ARMC3: variants seen among roughly 807,000 people sequenced by gnomAD.
The protein encoded by ARMC3 is armadillo repeat-containing protein 3.
Under a neutral mutation model 90.3 loss-of-function variants are expected in ARMC3, and 74 were observed. The ratio of observed to expected loss-of-function variants is 0.82; its 90% confidence interval spans 0.68 to 0.99. The LOEUF is 0.99. ARMC3 is among the 50% of genes least tolerant of loss of function. The probability of loss-of-function intolerance (pLI) is 0.00; values close to 1 mark genes in which losing one functional copy is unlikely to be tolerated. For missense variants in ARMC3, 958 were observed against 1,042.8 expected, an observed-to-expected ratio of 0.92 and a Z score of 1.12; for synonymous variants, 334 against 361.8, an observed-to-expected ratio of 0.92 and a Z score of 0.87.
chr10:22,968,667 A>G (rs1338708010), intron 8 of ARMC3, among the ~76,000 whole-genome samples, 178 bp downstream of exon 8: 1 of 151,940 alleles, frequency 6.6e-6, no homozygotes, highest in East Asian at 1.9e-4. Context: ...ATGCCTGGCT[A>G]ATTTTTGTAT....
intron 11 of ARMC3, 135 bp from the exon 12 acceptor site, chr10:23,001,784 C>A: frequency 8.9e-7 from 1 of 1,128,636 alleles, no homozygotes; most frequent in Non-Finnish European, 1.2e-6. Flanking sequence ...ATTTAATAAA[C>A]CTAAAGATAG....
At chr10:23,003,126 G>T (rs1273684025) in intron 12 of ARMC3, 120 bp from the exon 13 acceptor site, 2 of 803,028 alleles carry the variant, frequency 2.5e-6, no homozygotes, top group Admixed American at 3.4e-5. Context: ...CTAAGAGGGT[G>T]GGGGAGGCTT....
intron 3 of ARMC3, among the ~76,000 whole-genome samples, chr10:22,949,696 A>G (rs528763436): frequency 6.6e-6 from 1 of 152,322 alleles, no homozygotes; most frequent in African/African-American, 2.4e-5. Flanking sequence ...CGTTTGAAGA[A>G]ATAATGGCCA....
chr10:22,972,826 C>T (rs999939906), intron 8 of ARMC3, among the ~76,000 whole-genome samples: 6 of 152,128 alleles, frequency 3.9e-5, no homozygotes, highest in Admixed American at 2.6e-4. Flanking sequence ...TTTATATTAT[C>T]TATAGATAGG....
At chr10:22,929,340 G>A (rs1269067193) in intron 1 of ARMC3, among the ~76,000 whole-genome samples, 1 of 133,320 alleles carries the variant, frequency 7.5e-6, no homozygotes, top group African/African-American at 3.2e-5. Context: ...GGAAAGGAAA[G>A]GAAAAGAAAA....
rs144241945 is a variant in ARMC3, at chr10:22,933,118, A to G, written c.48+1074A>G. ...GCAATCCACTGGGTATGATACTTCA[A>G]TACAGTTGGGAACAAAATCTACAGA... is the stretch of plus-strand genomic sequence containing the variant. On this transcript the variant is annotated intron_variant, in intron 2 of 18. Transcript: ENST00000298032. Among the ~76,000 whole-genome samples, 157 of 152,314 alleles carry G rather than the reference A, an allele frequency of 1.0e-3. 1 individual carries two copies. Among genetic ancestry groups the G allele is most frequent in the African/African-American group, 3.3e-3 (137 of 41,570 alleles).
chr10:22,950,332 C>A (rs1190350695), intron 3 of ARMC3, among the ~76,000 whole-genome samples: 1 of 151,974 alleles, frequency 6.6e-6, no homozygotes, highest in Non-Finnish European at 1.5e-5. Context: ...ATGGCAACAA[C>A]AGCCCCAACA....
chr10:23,020,971 G>T (rs998842529), intron 16 of ARMC3, among the ~76,000 whole-genome samples: 1 of 151,916 alleles, frequency 6.6e-6, no homozygotes, highest in Non-Finnish European at 1.5e-5. Flanking sequence ...CCCCCACCTG[G>T]TAGCCCCCAG....
chr10:22,998,218 G>A lies in ARMC3; in HGVS notation c.1246G>A (p.Ala416Thr), dbSNP rs986129599. 2 of 1,613,170 alleles carry A rather than the reference G, an allele frequency of 1.2e-6. No homozygotes were observed. The highest frequency in any genetic ancestry group is 3.3e-5 in the Admixed American group (2 of 59,926). Residue 416 changes from alanine to threonine, a missense_variant, in exon 11 of 19, where the codon GCC becomes ACC. Coordinates refer to ENST00000298032, the MANE Select transcript of ARMC3 (RefSeq NM_173081.5). ...GTCTAGTAAACGAGATGGAGCCATT[G>A]CCAACGCTGCTACAGTATTAACAAA... ...LLSSKRDGAI[A>T]NAATVLTNMA...
chr10:23,006,552 T>C (rs539610636), intron 13 of ARMC3, among the ~76,000 whole-genome samples: 1 of 152,316 alleles, frequency 6.6e-6, no homozygotes, highest in East Asian at 1.9e-4. Context: ...CAGTATTCAG[T>C]TACTTTTGCA....
At chr10:22,939,040 A>C (rs1834219716) in intron 2 of ARMC3, among the ~76,000 whole-genome samples, 1 of 152,206 alleles carries the variant, frequency 6.6e-6, no homozygotes, top group South Asian at 2.1e-4. Flanking sequence ...TAAGTCACTG[A>C]GGGTGAAAGT....
At chr10:22,935,075 C>CT (rs1023676154) in intron 2 of ARMC3, among the ~76,000 whole-genome samples, 3 of 152,218 alleles carry the variant, frequency 2.0e-5, no homozygotes, top group African/African-American at 7.2e-5. Context: ...TCCCAAGAGA[C>CT]TATGACCTGG....
At chr10:23,036,601 AG>A (rs1395530297) in intron 18 of ARMC3, among the ~76,000 whole-genome samples, 1 of 152,228 alleles carries the variant, frequency 6.6e-6, no homozygotes, top group Non-Finnish European at 1.5e-5. Context: ...GTGCGCGGCT[AG>A]TCGGTCTCAG....
At chr10:22,930,543 C>T (rs976535141) in intron 1 of ARMC3, among the ~76,000 whole-genome samples, 2 of 152,108 alleles carry the variant, frequency 1.3e-5, no homozygotes, top group Non-Finnish European at 2.9e-5. Context: ...CCCAGGCCCT[C>T]CAAAGTCTTA....
intron 10 of ARMC3, among the ~76,000 whole-genome samples, chr10:22,992,929 C>CAGGGT (rs1243540269): frequency 1.3e-5 from 2 of 151,908 alleles, no homozygotes; most frequent in African/African-American, 4.8e-5. Flanking sequence ...GCTGCGTACA[C>CAGGGT]ACCGCCCCTG....
chr10:23,028,003 A>T (rs1364175945), intron 16 of ARMC3, among the ~76,000 whole-genome samples: 2 of 152,150 alleles, frequency 1.3e-5, no homozygotes, highest in Admixed American at 1.3e-4. Context: ...TTAGCTAAGC[A>T]TGGTGGCACA....
intron 18 of ARMC3, among the ~76,000 whole-genome samples, chr10:23,036,666 T>C (rs1839136587): frequency 6.6e-6 from 1 of 152,188 alleles, no homozygotes; most frequent in Admixed American, 6.5e-5. Flanking sequence ...CTGTTCACTA[T>C]AAAGTGGCTG....
chr10:22,954,595 CGAG>C (rs1431485549), intron 3 of ARMC3, among the ~76,000 whole-genome samples: 1 of 149,742 alleles, frequency 6.7e-6, no homozygotes, highest in Non-Finnish European at 1.5e-5. Context: ...TCGCTTGAGC[CGAG>C]GAGGTCGAGA....
chr10:22,940,986 A>G (rs1834305624), intron 2 of ARMC3, among the ~76,000 whole-genome samples: 3 of 152,332 alleles, frequency 2.0e-5, no homozygotes, highest in Middle Eastern at 6.8e-3. Context: ...ACAAATCGTG[A>G]TATACAATGG....
Sources: gnomAD v4.1 joint callset for allele counts (sites outside exome capture counted in the v4.1 genomes callset) on GRCh38, gnomAD v4.1.1 for gene constraint, MANE v1.5 for transcripts, NCBI Gene and HGNC (gene_info 2026-07-23, HGNC 2026-07-21) for gene names.